ENTPD3: variants seen among roughly 807,000 people sequenced by gnomAD.
ENTPD3 encodes CD39 antigen-like 3.
In ENTPD3, 60 loss-of-function variants were observed where a neutral mutation model predicts 51.2. The ratio of observed to expected loss-of-function variants is 1.17; its 90% CI spans 0.95 to 1.45. The LOEUF (loss-of-function observed/expected upper bound fraction) is 1.45. Among genes scored for constraint, ENTPD3 ranks in the 40% most tolerant of loss-of-function variants. ENTPD3 has a pLI of 0.00. For synonymous variants in ENTPD3, 221 were observed against 238.4 expected (o/e 0.93, Z 0.67); for missense variants, 593 against 641.1 (o/e 0.93, Z 0.81).
intron 6 of ENTPD3, among the ~76,000 whole-genome samples, 164 bp from the exon 7 acceptor site, chr3:40,415,676 A>T (rs1227659909): frequency 6.6e-6 from 1 of 152,236 alleles, no homozygotes; most frequent in East Asian, 1.9e-4. Flanking sequence ...AGTTCCTGTA[A>T]GCATTTTAAT....
At chr3:40,411,209 T>G (rs1371445090) in intron 4 of ENTPD3, among the ~76,000 whole-genome samples, 3 of 150,896 alleles carry the variant, frequency 2.0e-5, no homozygotes, top group Admixed American at 2.0e-4. Flanking sequence ...GAGAATCACT[T>G]GAACCTGGGA....
chr3:40,416,125 T>C, intron 7 of ENTPD3, 52 bp downstream of exon 7: 1 of 1,360,832 alleles, frequency 7.3e-7, no homozygotes. Flanking sequence ...GGGTTTGAGC[T>C]GAGGGGAGAA....
intron 7 of ENTPD3, among the ~76,000 whole-genome samples, chr3:40,418,326 G>A (rs1038626575): frequency 3.9e-5 from 6 of 152,170 alleles, no homozygotes; most frequent in Non-Finnish European, 8.8e-5. Flanking sequence ...CAGTTTCATA[G>A]GTCAAATATG....
intron 2 of ENTPD3, among the ~76,000 whole-genome samples, chr3:40,390,700 A>G (rs1004640398): frequency 1.3e-5 from 2 of 152,222 alleles, no homozygotes; most frequent in African/African-American, 2.4e-5. Flanking sequence ...TACCTAAGAC[A>G]CTGATTTGCT....
At chr3:40,393,233 G>A (rs1215723186) in intron 3 of ENTPD3, among the ~76,000 whole-genome samples, 1 of 152,102 alleles carries the variant, frequency 6.6e-6, no homozygotes, top group East Asian at 1.9e-4. Context: ...CTCATAAAGG[G>A]TCAAATAGTA....
At chr3:40,409,078 C>A (rs1434293713) in intron 4 of ENTPD3, among the ~76,000 whole-genome samples, 1 of 151,866 alleles carries the variant, frequency 6.6e-6, no homozygotes, top group Non-Finnish European at 1.5e-5. Flanking sequence ...CATGGTGAAA[C>A]CCCATCTCTA....
At chr3:40,426,108 T>C (rs1410132550) in intron 10 of ENTPD3, among the ~76,000 whole-genome samples, 71 of 28,060 alleles carry the variant, frequency 2.5e-3, no homozygotes, top group Admixed American at 6.1e-3. Flanking sequence ...TTTTCTTTTC[T>C]TTTTTTTTTT....
At chr3:40,403,727 G>A (rs979042561) in intron 4 of ENTPD3, among the ~76,000 whole-genome samples, 3 of 149,040 alleles carry the variant, frequency 2.0e-5, no homozygotes, top group Non-Finnish European at 4.4e-5. Context: ...ATCATGGCTC[G>A]CTGCAGCCTA....
At chr3:40,389,765 G>T (rs1448338896) in intron 2 of ENTPD3, among the ~76,000 whole-genome samples, 1 of 152,198 alleles carries the variant, frequency 6.6e-6, no homozygotes, top group African/African-American at 2.4e-5. Context: ...CAAATGTTGT[G>T]ATGTGACTGA....
At chr3:40,397,119 C>CCTT (rs1955221851) in intron 3 of ENTPD3, among the ~76,000 whole-genome samples, 1 of 101,244 alleles carries the variant, frequency 9.9e-6, no homozygotes, top group Non-Finnish European at 1.8e-5. Context: ...TAATTAGTTT[C>CCTT]TTTTTTTTTT....
chr3:40,426,598 A>G (rs1955990352), intron 10 of ENTPD3, among the ~76,000 whole-genome samples: 1 of 152,190 alleles, frequency 6.6e-6, no homozygotes, highest in South Asian at 2.1e-4. Flanking sequence ...GGTGCCATTT[A>G]TAAGAGAAAC....
Position 40,427,775 on chromosome 3 carries a change from C to CTT in ENTPD3, c.*269_*270dup. The CTT allele has an allele frequency of 4.2e-6, 2 of 472,944 alleles. No homozygotes were observed. The highest frequency in any genetic ancestry group is 5.1e-5 in the South Asian group (2 of 39,058). The allele number at this position is 472,944 out of a possible 1,614,324, so 29.3% of individuals were successfully genotyped here. ...AGAGACAGGCCACGAAGGTCAGGCT[C>CTT]TTTATATTAAGTTCCCCAGAGGAAG... On this transcript the variant is annotated 3_prime_UTR_variant, in exon 11 of 11. Transcript: ENST00000301825.
In ENTPD3 at chr3:40,388,044, A is replaced by G; in HGVS notation, c.-12-2A>G. ...TGACATCCTGTATTCTCTCACCTGCAGCTAGGAGAAAAGATGTTCACTGTG... is the reference window on the plus strand; with the variant it reads ...TGACATCCTGTATTCTCTCACCTGCGGCTAGGAGAAAAGATGTTCACTGTG... On this transcript the variant is annotated splice_acceptor_variant, in intron 1 of 10. Transcript: ENST00000301825. LOFTEE classifies it low-confidence loss of function (5UTR_SPLICE). 1.2e-6 allele frequency: 2 copies of G among 1,613,746 alleles called. No homozygotes were observed. Among genetic ancestry groups the G allele is most frequent in the Non-Finnish European group, 1.7e-6 (2 of 1,179,666 alleles).
At chr3:40,416,598 A>C (rs1433847706) in intron 7 of ENTPD3, among the ~76,000 whole-genome samples, 1 of 152,194 alleles carries the variant, frequency 6.6e-6, no homozygotes, top group Non-Finnish European at 1.5e-5. Flanking sequence ...TCAGTAATTC[A>C]TTTGATAAGT....
At chr3:40,412,902 C>T (rs1361367849) in intron 5 of ENTPD3, among the ~76,000 whole-genome samples, 2 of 152,218 alleles carry the variant, frequency 1.3e-5, no homozygotes, top group East Asian at 3.9e-4. Context: ...TCTCTGCTCA[C>T]TCTTGGAATC....
At chr3:40,413,895 C>T (rs565843534) in intron 5 of ENTPD3, among the ~76,000 whole-genome samples, 3 of 152,148 alleles carry the variant, frequency 2.0e-5, no homozygotes, top group African/African-American at 7.2e-5. Flanking sequence ...AATTATTTTC[C>T]AAGAAGTGAT....
intron 7 of ENTPD3, among the ~76,000 whole-genome samples, chr3:40,417,482 T>G (rs1307375407): frequency 1.3e-5 from 2 of 151,956 alleles, no homozygotes; most frequent in Non-Finnish European, 2.9e-5. Context: ...GACAACTCAC[T>G]CACTATCATG....
intron 4 of ENTPD3, among the ~76,000 whole-genome samples, chr3:40,402,017 T>C (rs1056465552): frequency 9.9e-5 from 15 of 152,258 alleles, no homozygotes; most frequent in African/African-American, 3.6e-4. Context: ...GGAATCAACA[T>C]ATTTTATGCC....
intron 10 of ENTPD3, 86 bp downstream of exon 10, chr3:40,424,049 G>A: frequency 6.3e-7 from 1 of 1,585,636 alleles, no homozygotes; most frequent in Non-Finnish European, 8.6e-7. Context: ...AAGGTAAAAG[G>A]GTATTAATGA....
Sources: gnomAD v4.1 joint callset for allele counts (sites outside exome capture counted in the v4.1 genomes callset) on GRCh38, gnomAD v4.1.1 for gene constraint, MANE v1.5 for transcripts, NCBI Gene and HGNC (gene_info 2026-07-23, HGNC 2026-07-21) for gene names.